The following SASH1 variants were observed in gnomAD, a reference collection of about 807,000 sequenced individuals.
SASH1 encodes SAM and SH3 domain-containing protein 1.
SASH1 carries 44 observed loss-of-function variants against 125.2 expected under a neutral mutation model. The ratio of observed to expected loss-of-function variants is 0.35; its 90% CI spans 0.28 to 0.45. The LOEUF (loss-of-function observed/expected upper bound fraction) is 0.45, where lower values mean the gene tolerates loss of function less well. SASH1 is among the 20% of genes least tolerant of loss of function. The pLI is 1.00. For missense variants in SASH1, 1,426 were observed against 1,614.5 expected, an observed-to-expected ratio of 0.88 and a Z score of 2.00; for synonymous variants, 639 against 649.1, an observed-to-expected ratio of 0.98 and a Z score of 0.24.
At position 148,309,646 on chromosome 6, in the gene SASH1, T is replaced by A. The variant is rs542379401; in HGVS notation, n.74+37269T>A. 3.0e-3 allele frequency among the ~76,000 whole-genome samples: 450 copies of A among 149,002 alleles called. 1 individual carries two copies. Among genetic ancestry groups the A allele is most frequent in the Non-Finnish European group, 4.1e-3 (274 of 67,588 alleles). On this transcript the variant is annotated intron_variant and non_coding_transcript_variant, in intron 1 of 3. Coordinates refer to the SASH1 transcript ENST00000367469. The stretch of plus-strand genomic sequence containing the variant: ...CATATCCTTGGTAGATGGAGGCTTA[T>A]GTTACCTTCTCATGTTGCTTTAAAA...
rs1445250660 is a variant in SASH1, at chr6:148,387,640, C to CT, written c.157-2491dup. Among the ~76,000 whole-genome samples the CT allele has an allele frequency of 4.7e-4, 19 of 40,324 alleles. 2 individuals are homozygous for CT. The highest frequency in any genetic ancestry group is 1.7e-3 in the African/African-American group (18 of 10,872). The allele number at this position is 40,324 out of a possible 152,430, so 26.5% of individuals were successfully genotyped here. A position where few individuals can be genotyped will look rare whatever the true frequency, so the allele number is the denominator to read the frequency against. On this transcript the variant is annotated intron_variant, in intron 1 of 19. Transcript: ENST00000367467. ...TCTTTCTTTCTTTCTTTCTTTCTTT[C>CT]TTTCTTTCTTTCTTTCTTTCTTTCT...
At position 148,277,908 on chromosome 6, in the gene SASH1, G is replaced by A. The variant is rs986491676; in HGVS notation, n.74+5531G>A. On this transcript the variant is annotated intron_variant and non_coding_transcript_variant, in intron 1 of 3. Transcript: ENST00000367469. The stretch of plus-strand genomic sequence containing the variant: ...ATTTTTGTATTTTCAGTAGAGACGG[G>A]GTTTCATCATATTGGCCAGGCTGGT... Among the ~76,000 whole-genome samples the A allele has an allele frequency of 6.6e-5, 10 of 152,164 alleles. No homozygotes were observed. In the East Asian group the frequency reaches 1.7e-3, roughly 27 times the overall value.
chr6:148,532,882 T>C lies in SASH1; in HGVS notation c.1650T>C (p.Pro550=). The C allele has an allele frequency of 1.2e-6, 2 of 1,614,226 alleles. No individual in the cohort carries two copies. Among genetic ancestry groups the C allele is most frequent in the Non-Finnish European group, 1.7e-6 (2 of 1,180,040 alleles). ...AAGATGGGGATGACGAAGAGCCGCC[T>C]TACCGAGGCCCGTTCTGCGGGCGTG... ...KSEDGDDEEP[P]YRGPFCGRAR... is the part of the protein sequence containing the mutation. Residue 550 remains proline, a synonymous_variant, in exon 14 of 20, where the codon CCT becomes CCC. Transcript: ENST00000367467. This position sits in a 1 kb window ranked among gnomAD's most constrained non-coding sequence, Gnocchi z 4.7.
At chr6:148,446,686 A>G (rs974053528) in intron 4 of SASH1, among the ~76,000 whole-genome samples, 1 of 152,220 alleles carries the variant, frequency 6.6e-6, no homozygotes, top group Non-Finnish European at 1.5e-5. Flanking sequence ...ATAGACAGGT[A>G]ATAATAGGTG....
rs563642497 is a variant in SASH1 at position 148,352,008 on chromosome 6, T to TA, written c.156+8794dup. On this transcript the variant is annotated intron_variant, in intron 1 of 19. Transcript: ENST00000367467. Reference sequence around the variant, plus strand: ...CCTTGTTTGGAAATGCCCAGTCTTTTAAAAAAAAAGTTTTGAAAGAGAAGA... The same window carrying TA: ...CCTTGTTTGGAAATGCCCAGTCTTTTAAAAAAAAAAGTTTTGAAAGAGAAGA... Among the ~76,000 whole-genome samples, 58 of 151,498 alleles carry TA rather than the reference T, an allele frequency of 3.8e-4. 1 individual carries two copies. The highest frequency in any genetic ancestry group is 3.5e-3 in the South Asian group (17 of 4,800).
chr6:148,418,218 G>C (rs1010917825), intron 2 of SASH1, among the ~76,000 whole-genome samples: 4 of 152,090 alleles, frequency 2.6e-5, no homozygotes, highest in Non-Finnish European at 5.9e-5. Context: ...TTTACCACTT[G>C]CATATAGTTA....
At chr6:148,244,959 T>TGTGTGAGA in the SASH1 span, among the ~76,000 whole-genome samples, 57 of 119,236 alleles carry the variant, frequency 4.8e-4, no homozygotes, top group African/African-American at 1.5e-3. Flanking sequence ...TGTGTGTGTG[T>TGTGTGAGA]GAGAGAGAGA....
intron 8 of SASH1, chr6:148,508,608 T>C: frequency 3.5e-6 from 4 of 1,147,258 alleles, no homozygotes; most frequent in Non-Finnish European, 4.3e-6. Flanking sequence ...GTTATGCAGT[T>C]AGCAAGCGAC....
At chr6:148,437,538 G>A (rs1776342585) in intron 2 of SASH1, among the ~76,000 whole-genome samples, 1 of 152,006 alleles carries the variant, frequency 6.6e-6, no homozygotes, top group Non-Finnish European at 1.5e-5. Flanking sequence ...TCAAACTATA[G>A]CCCCAATCAA....
intron 17 of SASH1, among the ~76,000 whole-genome samples, chr6:148,542,599 G>C (rs1782286084): frequency 6.6e-6 from 1 of 152,178 alleles, no homozygotes; most frequent in African/African-American, 2.4e-5. Context: ...GTGTTAGCCA[G>C]GATGGTCTCG....
the SASH1 span, among the ~76,000 whole-genome samples, chr6:148,257,862 C>T: frequency 3.3e-5 from 5 of 152,146 alleles, no homozygotes; most frequent in East Asian, 9.7e-4. Flanking sequence ...ATCTCTTGAC[C>T]CTGTGATCCG....
At chr6:148,208,225 T>A in the SASH1 span, among the ~76,000 whole-genome samples, 3 of 152,222 alleles carry the variant, frequency 2.0e-5, no homozygotes, top group African/African-American at 7.2e-5. Context: ...TCTAGCCACT[T>A]AATGATTTTG....
chr6:148,374,351 A>G (rs1268825976), intron 1 of SASH1, among the ~76,000 whole-genome samples: 1 of 152,248 alleles, frequency 6.6e-6, no homozygotes, highest in African/African-American at 2.4e-5. Flanking sequence ...CTGTTAGCCA[A>G]GATGAACTGA....
chr6:148,247,567 C>T, the SASH1 span, among the ~76,000 whole-genome samples: 1 of 152,110 alleles, frequency 6.6e-6, no homozygotes, highest in Admixed American at 6.6e-5. Context: ...TTGCCATCCC[C>T]CTTTATTGGC....
intron 1 of SASH1, among the ~76,000 whole-genome samples, chr6:148,368,990 A>G (rs1782601009): frequency 6.6e-6 from 1 of 152,250 alleles, no homozygotes; most frequent in African/African-American, 2.4e-5. Flanking sequence ...ATACGGATCC[A>G]TTCACTTGTG....
rs1781355719 is a variant in SASH1 at position 148,529,010 on chromosome 6, C to T, written c.1428+1414C>T. ...GCGTGCAACCTAGATGCCTCGTGTG[C>T]ACAATTCACAATAGGATTCGTGCTC... is the stretch of plus-strand genomic sequence containing the variant. On this transcript the variant is annotated intron_variant, in intron 12 of 19. Coordinates refer to ENST00000367467, the MANE Select transcript of SASH1 (RefSeq NM_015278.5). The surrounding 1 kb of genome is among the most constrained non-coding windows in gnomAD (Gnocchi z 4.2). 6.6e-6 allele frequency among the ~76,000 whole-genome samples: 1 copy of T among 152,018 alleles called. No homozygotes were observed. The highest frequency in any genetic ancestry group is 1.5e-5 in the Non-Finnish European group (1 of 68,018).
At chr6:148,221,317 C>A in the SASH1 span, among the ~76,000 whole-genome samples, 1 of 152,130 alleles carries the variant, frequency 6.6e-6, no homozygotes, top group African/African-American at 2.4e-5. Context: ...TAAAATTTTA[C>A]TTTCATTCGT....
intron 2 of SASH1, among the ~76,000 whole-genome samples, chr6:148,393,337 G>A (rs1408350165): frequency 1.3e-5 from 2 of 151,938 alleles, no homozygotes; most frequent in Non-Finnish European, 2.9e-5. Flanking sequence ...TGGGATTACA[G>A]GCGTAAGCCA....
Position 148,404,571 on chromosome 6 carries a change from C to T in SASH1, c.285+14309C>T, listed in dbSNP as rs533091757. Among the ~76,000 whole-genome samples the T allele has an allele frequency of 1.2e-3, 153 of 123,694 alleles. 3 individuals carry two copies. The highest frequency in any genetic ancestry group is 4.3e-3 in the African/African-American group (136 of 31,920). 81.1% of individuals were successfully genotyped at this position (123,694 alleles called of 152,430 possible). Reference sequence around the variant, plus strand: ...CCCCCAGCCCAGCCCATCCCTGCTCCGCCCCAACCCCCACCACCTGCCCCA... The same window carrying T: ...CCCCCAGCCCAGCCCATCCCTGCTCTGCCCCAACCCCCACCACCTGCCCCA... On this transcript the variant is annotated intron_variant, in intron 2 of 19. Transcript: ENST00000367467.
Sources: gnomAD v4.1 joint callset for allele counts (sites outside exome capture counted in the v4.1 genomes callset) on GRCh38, gnomAD v4.1.1 for gene constraint, Gnocchi (gnomAD v3.1) non-coding constraint, MANE v1.5 for transcripts, NCBI Gene and HGNC (gene_info 2026-07-23, HGNC 2026-07-21) for gene names.